The following SDK1 variants were observed in gnomAD, a reference collection of about 807,000 sequenced individuals.
SDK1 encodes the protein sidekick cell adhesion molecule 1, also known as protein sidekick-1.
In SDK1, 157 loss-of-function variants were observed where a neutral mutation model predicts 245.5. The ratio of observed to expected loss-of-function variants is 0.64; its 90% confidence interval spans 0.56 to 0.73. SDK1 has a LOEUF of 0.73. Among genes scored for constraint, SDK1 ranks in the 30% least tolerant of loss-of-function variants. The pLI, the probability that SDK1 is intolerant of heterozygous loss-of-function variation, is 0.00. For missense variants in SDK1, 3,583 were observed against 3,002.3 expected, an observed-to-expected ratio of 1.19 and a Z score of -4.52; for synonymous variants, 1,647 against 1,278.5, an observed-to-expected ratio of 1.29 and a Z score of -6.15.
chr7:4,233,032 C>A, intron 40 of SDK1: 1 of 502,674 alleles, frequency 2.0e-6, no homozygotes, highest in South Asian at 3.1e-5. Context: ...AGTTCAGTAG[C>A]ATTGAGCACG....
intron 1 of SDK1, among the ~76,000 whole-genome samples, chr7:3,410,607 G>C (rs1472389926): frequency 8.5e-6 from 1 of 117,350 alleles, no homozygotes; most frequent in Admixed American, 9.1e-5. Flanking sequence ...TTTTTTTGGA[G>C]AAGGAGTCTT....
In SDK1 at chr7:4,113,277, T is replaced by C. The variant is rs371584777; in HGVS notation, c.3435-12T>C. The C allele has an allele frequency of 2.7e-5, 44 of 1,610,752 alleles. No individual in the cohort carries two copies. The African/African-American group carries it at 4.9e-4, about 18-fold the overall frequency. ...GCTTTGCCGTGACTCTCATCAGTGG[T>C]TTTTCCTTTAGATTTCGAATGAAGC... On this transcript the variant is annotated splice_polypyrimidine_tract_variant and intron_variant, in intron 23 of 44. Coordinates refer to ENST00000404826, the MANE Select transcript of SDK1 (RefSeq NM_152744.4).
At chr7:4,177,726 T>A (rs1782301771) in intron 34 of SDK1, among the ~76,000 whole-genome samples, 1 of 152,218 alleles carries the variant, frequency 6.6e-6, no homozygotes, top group African/African-American at 2.4e-5. Context: ...AGGATTCAAG[T>A]GCATCCCATT....
At chr7:3,418,142 AATG>A (rs1473447915) in intron 1 of SDK1, among the ~76,000 whole-genome samples, 6 of 100,378 alleles carry the variant, frequency 6.0e-5, no homozygotes, top group Admixed American at 1.1e-4. Context: ...CTCTACTAAA[AATG>A]AAAAAAAAAA....
chr7:3,782,696 A>T (rs1780781715), intron 4 of SDK1, among the ~76,000 whole-genome samples: 1 of 152,250 alleles, frequency 6.6e-6, no homozygotes. Flanking sequence ...ATATTTTACA[A>T]TAAAGTGTTG....
At chr7:3,951,608 T>G in intron 6 of SDK1, 122 bp from the exon 7 acceptor site, 1 of 789,730 alleles carries the variant, frequency 1.3e-6, no homozygotes, top group Non-Finnish European at 2.0e-6. Flanking sequence ...TGTCCGTTGT[T>G]CAACCCACCA....
In SDK1 at chr7:3,748,162, G is replaced by C. The variant is rs964623192; in HGVS notation, c.714-73288G>C. 2.0e-5 allele frequency among the ~76,000 whole-genome samples: 3 copies of C among 152,010 alleles called. No homozygotes were observed. In the South Asian group the frequency reaches 6.2e-4, roughly 32 times the overall value. ...CTATAATATTAAACGTTGAAAGCAG[G>C]GTACAAAACAGCATGTTTGGTTTAA... On this transcript the variant is annotated intron_variant, in intron 4 of 44. Transcript: ENST00000404826.
chr7:4,191,257 G>A (rs1280699330), intron 35 of SDK1, among the ~76,000 whole-genome samples: 1 of 152,064 alleles, frequency 6.6e-6, no homozygotes, highest in Non-Finnish European at 1.5e-5. Flanking sequence ...CCCCGCCGCG[G>A]TCACATGGGT....
intron 2 of SDK1, among the ~76,000 whole-genome samples, chr7:3,637,303 G>C (rs1314142067): frequency 2.6e-5 from 4 of 152,168 alleles, no homozygotes; most frequent in Non-Finnish European, 5.9e-5. Context: ...CACCATGTTG[G>C]CTAAGCTGGT....
intron 1 of SDK1, among the ~76,000 whole-genome samples, chr7:3,569,797 A>G (rs1267422021): frequency 1.3e-5 from 2 of 152,162 alleles, no homozygotes; most frequent in Non-Finnish European, 2.9e-5. Context: ...GCTTTTGTTA[A>G]CTTTCGGAGG....
chr7:3,643,287 C>T (rs1446780070), intron 4 of SDK1: 2 of 145,724 alleles, frequency 1.4e-5, no homozygotes, highest in Non-Finnish European at 3.0e-5. Flanking sequence ...GGAATCCTTT[C>T]CCTAAACCTC....
intron 39 of SDK1, 55 bp downstream of exon 39, chr7:4,220,325 C>CTACA: frequency 6.4e-7 from 1 of 1,551,788 alleles, no homozygotes; most frequent in Non-Finnish European, 8.8e-7. Flanking sequence ...CCTCCCGCCT[C>CTACA]CTGCTTCACT....
At chr7:3,386,891 A>G (rs1781622563) in intron 1 of SDK1, among the ~76,000 whole-genome samples, 1 of 152,214 alleles carries the variant, frequency 6.6e-6, no homozygotes. Context: ...TGTCATGTTT[A>G]AAGACATCTT....
chr7:3,378,441 G>A (rs1326700615), intron 1 of SDK1, among the ~76,000 whole-genome samples: 1 of 152,030 alleles, frequency 6.6e-6, no homozygotes, highest in Non-Finnish European at 1.5e-5. Flanking sequence ...GCGTTTCTTC[G>A]AGCATATTCA....
rs375424679 is a variant in SDK1 at position 4,205,961 on chromosome 7, G to C, written c.5181G>C (p.Pro1727=). The C allele has an allele frequency of 1.3e-6, 2 of 1,560,094 alleles. No homozygotes were observed. The highest frequency in any genetic ancestry group is 2.7e-5 in the African/African-American group (2 of 73,558). The change falls in exon 36 of 45, where the codon CCG becomes CCC. Residue 1727 remains proline (P), a synonymous_variant. Transcript: ENST00000404826. ...QLEVTWDPPP[P]ESQNGNIQGY... is the part of the protein sequence containing the mutation. ...AGGTCACGTGGGACCCACCACCCCC[G>C]GAGAGCCAGAATGGGAACATCCAAG...
At chr7:4,043,503 TC>T (rs1788795778) in intron 17 of SDK1, among the ~76,000 whole-genome samples, 1 of 152,112 alleles carries the variant, frequency 6.6e-6, no homozygotes, top group African/African-American at 2.4e-5. Context: ...GTGTGAGAGC[TC>T]GTGATTTTAG....
intron 4 of SDK1, among the ~76,000 whole-genome samples, chr7:3,659,975 G>A (rs2082359): frequency 0.37 from 55,511 of 152,022 alleles, 11,196 homozygotes; most frequent in African/African-American, 0.53. Context: ...GATTCAGATC[G>A]GATATGGGGC....
chr7:3,958,095 T>C (rs911812404), intron 7 of SDK1: 3 of 444,734 alleles, frequency 6.7e-6, no homozygotes, highest in African/African-American at 4.1e-5. Context: ...AGCTATCTTA[T>C]CCACATTCAA....
intron 1 of SDK1, among the ~76,000 whole-genome samples, chr7:3,359,710 A>G (rs779907326): frequency 1.3e-5 from 2 of 152,138 alleles, no homozygotes; most frequent in African/African-American, 4.8e-5. Context: ...AGCTGTATCA[A>G]TTGTGAACCT....
Sources: allele counts gnomAD v4.1 joint callset (sites outside exome capture counted in the v4.1 genomes callset), GRCh38; gene constraint gnomAD v4.1.1; transcripts MANE v1.5; gene names NCBI Gene and HGNC (gene_info 2026-07-23, HGNC 2026-07-21).